The following AKNA variants were observed in gnomAD, a reference collection of about 807,000 sequenced individuals.
The protein encoded by AKNA is microtubule organization protein AKNA.
A neutral mutation model predicts 138.8 loss-of-function variants in AKNA; 67 were observed. The observed-to-expected ratio is 0.48, with a 90% CI of 0.40 to 0.59. The LOEUF is 0.59. Ranked by LOEUF, AKNA falls within the 20% of genes least tolerant of loss-of-function variation. The pLI is 0.00. For synonymous variants in AKNA, 737 were observed against 754.4 expected, an observed-to-expected ratio of 0.98 and a Z score of 0.38; for missense variants, 1,813 against 1,880.4, an observed-to-expected ratio of 0.96 and a Z score of 0.66.
rs372030820 is a variant in AKNA, at chr9:114,381,110, G to T, written c.224C>A (p.Pro75Gln). 3.7e-6 allele frequency: 6 copies of T among 1,608,244 alleles called. No homozygotes were observed. The South Asian group carries it at 6.6e-5, about 18-fold the overall frequency. ...GGAATCCTGATGCCCATCGGGCTGC[G>T]GGTGTGGGTCCCACTCCAGGGGCGG... Reference protein sequence around the residue: ...HLPPLEWDPHPQPDGHQDSES... With the variant: ...HLPPLEWDPHQQPDGHQDSES... The change falls in exon 2 of 22, where the codon CCG (proline) becomes CAG (glutamine). Residue 75 changes from proline to glutamine, a missense_variant. By Grantham distance (76) the Pro-to-Gln change is moderately conservative. Transcript: ENST00000374088.
chr9:114,357,011 A>C, intron 12 of AKNA, 42 bp from the exon 13 acceptor site: 1 of 1,536,230 alleles, frequency 6.5e-7, no homozygotes, highest in South Asian at 1.2e-5. Context: ...GAATGTGTCC[A>C]AGGCACACTG....
rs1832522222 is a variant in AKNA, at chr9:114,368,353, C to T, written c.1573+86G>A. 5 of 1,289,314 alleles carry T rather than the reference C, an allele frequency of 3.9e-6. No homozygotes were observed. The South Asian group carries it at 9.6e-5, about 25-fold the overall frequency. The allele number at this position is 1,289,314 out of a possible 1,614,324, so 79.9% of individuals were successfully genotyped here. A position where few individuals can be genotyped will look rare whatever the true frequency, so the allele number is the denominator to read the frequency against. On this transcript the variant is annotated intron_variant, in intron 5 of 21. Coordinates refer to ENST00000374088, the MANE Select transcript of AKNA (RefSeq NM_001317950.2). The stretch of plus-strand genomic sequence containing the variant: ...CCTTCCCCTGGCCTGAGGCCAGCGC[C>T]ATCCCCAGGGTGAACCAAGTCAGTC...
At chr9:114,353,667 C>T (rs993468293) in intron 14 of AKNA, among the ~76,000 whole-genome samples, 2 of 152,294 alleles carry the variant, frequency 1.3e-5, no homozygotes, top group African/African-American at 4.8e-5. Flanking sequence ...TCATAGATTA[C>T]CCACACCTAT....
chr9:114,347,628 G>T lies in AKNA; in HGVS notation c.3398+96C>A. 3.1e-6 allele frequency: 4 copies of T among 1,278,234 alleles called. No individual in the cohort carries two copies. The Admixed American group carries it at 9.4e-5, about 30-fold the overall frequency. 79.2% of individuals were successfully genotyped at this position (1,278,234 alleles called of 1,614,324 possible). A position where few individuals can be genotyped will look rare whatever the true frequency, so the allele number is the denominator to read the frequency against. On this transcript the variant is annotated intron_variant, in intron 16 of 21. Transcript: ENST00000374088. ...ATGAGTGAGAGAGGGATGTGGCAGTGCCTGAGTCCATATGTCTGGGGAGAG... is the reference window on the plus strand; with the variant it reads ...ATGAGTGAGAGAGGGATGTGGCAGTTCCTGAGTCCATATGTCTGGGGAGAG...
chr9:114,389,774 GTGAATGAA>G (rs373047347), upstream of AKNA, among the ~76,000 whole-genome samples: 724 of 152,298 alleles, frequency 4.8e-3, 5 homozygotes, highest in Non-Finnish European at 7.5e-3. Flanking sequence ...AATGTGTTCT[GTGAATGAA>G]TGAATGAATG....
intron 2 of AKNA, 79 bp downstream of exon 2, chr9:114,380,981 C>CAGAAAAAAAAAAAAAACAAAAAA (rs1346229782): frequency 1.1e-6 from 1 of 949,986 alleles, no homozygotes; most frequent in African/African-American, 3.1e-5. Flanking sequence ...GACTCTGTCT[C>CAGAAAAAAAAAAAAAACAAAAAA]AAAAAAAAAA....
chr9:114,336,839 G>A lies in AKNA; in HGVS notation c.*215C>T. 1 of 510,046 alleles carries A rather than the reference G, an allele frequency of 2.0e-6. No homozygotes were observed. Among genetic ancestry groups the A allele is most frequent in the Admixed American group, 4.0e-5 (1 of 25,274 alleles). 31.6% of individuals were successfully genotyped at this position (510,046 alleles called of 1,614,324 possible). A position where few individuals can be genotyped will look rare whatever the true frequency, so the allele number is the denominator to read the frequency against. ...CTCACAGCACCTCTGTGAGGGGACT[G>A]GTGCTCCTGGGAAGTCACTTCTCTT... On this transcript the variant is annotated 3_prime_UTR_variant, in exon 22 of 22. Transcript: ENST00000374088.
chr9:114,340,143 G>A (rs1235582166), intron 21 of AKNA, among the ~76,000 whole-genome samples: 1 of 152,114 alleles, frequency 6.6e-6, no homozygotes, highest in African/African-American at 2.4e-5. Flanking sequence ...ACATTTATAG[G>A]CCTGGTCCCC....
In AKNA at chr9:114,346,732, G is replaced by A; in HGVS notation, c.3451C>T (p.Pro1151Ser). ...GACCTGGCTCGCTGCCTTCCTGGAG[G>A]GACAATCTGCTCTTCACCTCTAGGC... ...GEPRGEEQIV[P>S]PGRQRARSSS... Residue 1151 changes from proline (P) to serine (S), a missense_variant, in exon 17 of 22, where the codon CCT (proline) becomes TCT (serine). Pro to Ser is a moderately conservative substitution (Grantham distance 74, BLOSUM62 -1). Transcript: ENST00000374088. 2 of 1,613,022 alleles carry A rather than the reference G, an allele frequency of 1.2e-6. No homozygotes were observed. Among genetic ancestry groups the A allele is most frequent in the Non-Finnish European group, 1.7e-6 (2 of 1,179,562 alleles).
Position 114,366,440 on chromosome 9 carries a change from G to C in AKNA, c.1728+1103C>G, listed in dbSNP as rs140540752. ...CATCCACAATAGGCAAGCCTATAAA[G>C]ACAGGAAGCAGAAGAGCAGCCGACG... On this transcript the variant is annotated intron_variant, in intron 6 of 21. Coordinates refer to ENST00000374088, the MANE Select transcript of AKNA (RefSeq NM_001317950.2). Among the ~76,000 whole-genome samples the C allele has an allele frequency of 5.4e-3, 821 of 152,260 alleles. 9 individuals carry two copies. The highest frequency in any genetic ancestry group is 0.019 in the African/African-American group (786 of 41,538).
upstream of AKNA, among the ~76,000 whole-genome samples, chr9:114,390,389 C>T (rs189043949): frequency 6.6e-6 from 1 of 152,250 alleles, no homozygotes; most frequent in East Asian, 1.9e-4. Context: ...CATCTTTCAC[C>T]CAGGTACACA....
At chr9:114,392,273 C>T (rs1589047738), upstream of AKNA, among the ~76,000 whole-genome samples, 2 of 152,204 alleles carry the variant, frequency 1.3e-5, no homozygotes, top group Non-Finnish European at 2.9e-5. Context: ...AGCTTTGGAA[C>T]CTGCGGCTTA....
At chr9:114,393,196 A>T (rs572098887) in intron 1 of AKNA, among the ~76,000 whole-genome samples, 1 of 151,762 alleles carries the variant, frequency 6.6e-6, no homozygotes, top group Non-Finnish European at 1.5e-5. Context: ...AAGCTGTTTG[A>T]ATCTGGACAG....
At chr9:114,361,614 T>G (rs886875587) in intron 9 of AKNA, 90 bp downstream of exon 9, 1 of 1,445,748 alleles carries the variant, frequency 6.9e-7, no homozygotes. Flanking sequence ...GGCACACACT[T>G]CATAAATATG....
At chr9:114,344,611 G>C (rs535640566) in intron 18 of AKNA, 1 of 152,302 alleles carries the variant, frequency 6.6e-6, no homozygotes, top group African/African-American at 2.4e-5. Context: ...GGAATCTGAG[G>C]GTCAGAGAGG....
At chr9:114,346,812 A>G (rs1230619286) in intron 16 of AKNA, 28 bp from the exon 17 acceptor site, 1 of 1,594,056 alleles carries the variant, frequency 6.3e-7, no homozygotes, top group East Asian at 2.2e-5. Flanking sequence ...AGATGATGTC[A>G]TTGGATGAGG....
intron 2 of AKNA, among the ~76,000 whole-genome samples, chr9:114,377,957 C>T (rs929066877): frequency 1.3e-5 from 2 of 152,226 alleles, no homozygotes; most frequent in African/African-American, 4.8e-5. Flanking sequence ...CCTTAGCTCG[C>T]GTCCCATCCT....
intron 13 of AKNA, 56 bp downstream of exon 13, chr9:114,356,807 C>A: frequency 6.9e-7 from 1 of 1,447,294 alleles, no homozygotes; most frequent in Non-Finnish European, 9.2e-7. Context: ...CACTGTGATT[C>A]CCAGGCTGTC....
chr9:114,331,267 G>A (rs767126716), downstream of AKNA, among the ~76,000 whole-genome samples: 3 of 152,126 alleles, frequency 2.0e-5, no homozygotes, highest in Non-Finnish European at 4.4e-5. Flanking sequence ...TGATGGAGCT[G>A]AACTGACATC....
Sources: allele counts gnomAD v4.1 joint callset (sites outside exome capture counted in the v4.1 genomes callset), GRCh38; gene constraint gnomAD v4.1.1; transcripts MANE v1.5; gene names NCBI Gene and HGNC (gene_info 2026-07-23, HGNC 2026-07-21).